The following PRKG1 variants were observed in gnomAD, a reference collection of about 807,000 sequenced individuals.
The protein encoded by PRKG1 is cGMP-dependent protein kinase 1.
Under a neutral mutation model 88.1 loss-of-function variants are expected in PRKG1, and 35 were observed. The ratio of observed to expected loss-of-function variants is 0.40; its 90% confidence interval spans 0.30 to 0.53. The LOEUF is 0.53. Ranked by LOEUF, PRKG1 falls within the 20% of genes least tolerant of loss-of-function variation. The pLI is 0.59. For synonymous variants in PRKG1, 303 were observed against 292.5 expected (o/e 1.04, Z -0.37); for missense variants, 540 against 839.8 (o/e 0.64, Z 4.41).
chr10:51,838,763 G>A (rs1336998789), intron 4 of PRKG1, among the ~76,000 whole-genome samples: 10 of 149,186 alleles, frequency 6.7e-5, no homozygotes, highest in African/African-American at 2.0e-4. Context: ...AGGCTAATGA[G>A]AAAAAAAAAA....
intron 2 of PRKG1, among the ~76,000 whole-genome samples, chr10:51,195,710 G>C (rs754948809): frequency 6.6e-6 from 1 of 152,030 alleles, no homozygotes. Context: ...ATGGTTGTTC[G>C]GGTATACAAT....
intron 1 of PRKG1, among the ~76,000 whole-genome samples, chr10:51,120,057 G>A (rs1409466622): frequency 1.3e-5 from 2 of 152,062 alleles, no homozygotes; most frequent in African/African-American, 4.8e-5. Flanking sequence ...TATAATGTTT[G>A]TAAGGCTTAT....
intron 4 of PRKG1, among the ~76,000 whole-genome samples, chr10:51,886,780 A>C (rs1033740977): frequency 2.0e-5 from 3 of 152,144 alleles, no homozygotes; most frequent in African/African-American, 7.2e-5. Context: ...TGGGTATCCA[A>C]GGGTAATTGG....
At chr10:51,072,100 C>T (rs1268439152), upstream of PRKG1, among the ~76,000 whole-genome samples, 8 of 152,106 alleles carry the variant, frequency 5.3e-5, no homozygotes, top group Admixed American at 2.0e-4. Flanking sequence ...GAGGCTGAGG[C>T]AGGAGAATCA....
intron 7 of PRKG1, among the ~76,000 whole-genome samples, chr10:52,115,109 G>A (rs561302447): frequency 1.2e-4 from 19 of 152,062 alleles, no homozygotes; most frequent in Middle Eastern, 3.4e-3. Flanking sequence ...TAAATAGTTC[G>A]CTTTTTACAA....
intron 7 of PRKG1, among the ~76,000 whole-genome samples, chr10:52,112,852 A>T (rs1243004868): frequency 6.6e-6 from 1 of 152,192 alleles, no homozygotes; most frequent in African/African-American, 2.4e-5. Flanking sequence ...TGAAATTATG[A>T]CTACGGTCGT....
chr10:51,018,469 G>C (rs894370281), intron 1 of PRKG1, among the ~76,000 whole-genome samples: 3 of 152,126 alleles, frequency 2.0e-5, no homozygotes, highest in Non-Finnish European at 4.4e-5. Flanking sequence ...AGTGGAGTCA[G>C]GATTAAAATT....
At chr10:51,353,125 A>G (rs1337695642) in intron 2 of PRKG1, among the ~76,000 whole-genome samples, 1 of 152,094 alleles carries the variant, frequency 6.6e-6, no homozygotes, top group Non-Finnish European at 1.5e-5. Flanking sequence ...CCTCTCTCTC[A>G]TCTTATACAA....
At chr10:51,128,654 G>A (rs539946823) in intron 1 of PRKG1, among the ~76,000 whole-genome samples, 37 of 152,238 alleles carry the variant, frequency 2.4e-4, no homozygotes, top group African/African-American at 8.7e-4. Context: ...AATGCATCTA[G>A]TTTTCCAAAG....
chr10:51,537,717 G>C (rs1842192253), intron 3 of PRKG1, among the ~76,000 whole-genome samples: 1 of 119,916 alleles, frequency 8.3e-6, no homozygotes, highest in Admixed American at 9.8e-5. Context: ...GACAGAGCAA[G>C]AGTCTGTCTC....
intron 3 of PRKG1, among the ~76,000 whole-genome samples, chr10:51,469,794 G>A (rs1840001174): frequency 6.6e-6 from 1 of 151,856 alleles, no homozygotes; most frequent in South Asian, 2.1e-4. Context: ...TCTTCACAGT[G>A]CCTACTTAAG....
At chr10:51,456,391 T>A (rs1446157051) in intron 2 of PRKG1, among the ~76,000 whole-genome samples, 1 of 152,074 alleles carries the variant, frequency 6.6e-6, no homozygotes, top group Non-Finnish European at 1.5e-5. Flanking sequence ...AAGCCACATA[T>A]GGAAGAATGA....
intron 3 of PRKG1, among the ~76,000 whole-genome samples, chr10:51,518,506 A>T (rs892883017): frequency 6.6e-6 from 1 of 152,172 alleles, no homozygotes; most frequent in African/African-American, 2.4e-5. Flanking sequence ...CTGTTAGCAT[A>T]GTCTGACTTG....
At chr10:51,369,612 T>C (rs1842659979) in intron 2 of PRKG1, among the ~76,000 whole-genome samples, 1 of 152,126 alleles carries the variant, frequency 6.6e-6, no homozygotes, top group African/African-American at 2.4e-5. Context: ...TACAGCTTCT[T>C]GGTTGCACAG....
At chr10:51,115,950 G>A (rs992281937) in intron 1 of PRKG1, among the ~76,000 whole-genome samples, 4 of 152,072 alleles carry the variant, frequency 2.6e-5, no homozygotes, top group African/African-American at 9.7e-5. Flanking sequence ...GGAAAGTCAA[G>A]ACAATGTTGT....
intron 3 of PRKG1, among the ~76,000 whole-genome samples, chr10:51,797,692 AT>A (rs1343410242): frequency 6.6e-6 from 1 of 151,228 alleles, no homozygotes. Context: ...TGTACAATCA[AT>A]CAGTGCCTTT....
intron 1 of PRKG1, among the ~76,000 whole-genome samples, chr10:51,144,713 G>A (rs1845900240): frequency 6.6e-6 from 1 of 152,124 alleles, no homozygotes; most frequent in African/African-American, 2.4e-5. Flanking sequence ...ATGTATTAAA[G>A]CCTTACGCAA....
At chr10:51,294,043 C>A (rs114959930) in intron 2 of PRKG1, among the ~76,000 whole-genome samples, 2,977 of 152,068 alleles carry the variant, frequency 0.02, 105 homozygotes, top group African/African-American at 0.067. Context: ...TCTATTCATA[C>A]CTTTTACCTA....
intron 3 of PRKG1, among the ~76,000 whole-genome samples, chr10:51,571,805 A>G (rs1490096372): frequency 1.3e-5 from 2 of 151,894 alleles, no homozygotes; most frequent in Non-Finnish European, 2.9e-5. Context: ...TTCTACTAGT[A>G]CCTTAATCAG....
Sources: allele counts gnomAD v4.1 joint callset (sites outside exome capture counted in the v4.1 genomes callset), GRCh38; gene constraint gnomAD v4.1.1; transcripts MANE v1.5; gene names NCBI Gene and HGNC (gene_info 2026-07-23, HGNC 2026-07-21).